The following RUSF1 variants were observed in gnomAD, a reference collection of about 807,000 sequenced individuals.
RUSF1 encodes RUS family member 1, also known as RUS1 family protein C16orf58.
Under a neutral mutation model 63.0 loss-of-function variants are expected in RUSF1, and 58 were observed. That is an observed-to-expected ratio of 0.92 (90% CI 0.75 to 1.15). RUSF1 has a LOEUF of 1.15. Ranked by LOEUF, RUSF1 falls within the 50% of genes most tolerant of loss-of-function variation. The probability of loss-of-function intolerance (pLI) is 0.00; values close to 1 mark genes in which losing one functional copy is unlikely to be tolerated. For synonymous variants in RUSF1, 274 were observed against 255.8 expected (o/e 1.07, Z -0.68); for missense variants, 652 against 611.0 (o/e 1.07, Z -0.71).
chr16:31,492,075 C>G lies in RUSF1; in HGVS notation c.1243G>C (p.Glu415Gln), dbSNP rs745561054. ...RNRVRAGPKK[E>Q]SWVVVKETHE... ...GTCTCCTTGACGACGACCCAGCTCT[C>G]TTTCTTAGGACCTGGGTACGGGGGT... is the stretch of plus-strand genomic sequence containing the variant. The change falls in exon 12 of 13, where the codon GAG becomes CAG. Residue 415 changes from glutamate to glutamine, a missense_variant. Coordinates refer to ENST00000327237, the MANE Select transcript of RUSF1 (RefSeq NM_022744.4). The G allele has an allele frequency of 1.2e-6, 2 of 1,614,200 alleles. No homozygotes were observed. The highest frequency in any genetic ancestry group is 3.3e-5 in the Admixed American group (2 of 60,030).
chr16:31,498,338 G>C (rs1827807453), intron 5 of RUSF1, among the ~76,000 whole-genome samples: 1 of 152,198 alleles, frequency 6.6e-6, no homozygotes, highest in Admixed American at 6.5e-5. Context: ...CTACAGCCAT[G>C]CTTTTCTCTG....
chr16:31,502,735 C>T (rs1487987204), intron 2 of RUSF1, among the ~76,000 whole-genome samples: 2 of 152,240 alleles, frequency 1.3e-5, no homozygotes, highest in African/African-American at 4.8e-5. Flanking sequence ...TTAACCTCTT[C>T]CCTTCAAGTA....
At chr16:31,503,824 G>T (rs2082644248) in intron 2 of RUSF1, among the ~76,000 whole-genome samples, 1 of 152,172 alleles carries the variant, frequency 6.6e-6, no homozygotes, top group Non-Finnish European at 1.5e-5. Context: ...AACCATGCCT[G>T]GCTAATTTTG....
chr16:31,496,141 T>C (rs955819026), intron 6 of RUSF1, among the ~76,000 whole-genome samples: 1 of 152,140 alleles, frequency 6.6e-6, no homozygotes, highest in African/African-American at 2.4e-5. Context: ...TGGAGTGCAG[T>C]GGGGTGATCT....
intron 5 of RUSF1, among the ~76,000 whole-genome samples, 179 bp from the exon 6 acceptor site, chr16:31,497,129 C>T (rs1035413039): frequency 3.9e-5 from 6 of 152,168 alleles, no homozygotes; most frequent in East Asian, 3.9e-4. Flanking sequence ...AAACTGGAGT[C>T]CCACCTGCCA....
rs146121103 is a variant in RUSF1, at chr16:31,493,564, A to C, written c.958+39T>G. On this transcript the variant is annotated intron_variant, in intron 8 of 12. Transcript: ENST00000327237. ...GGTCAGGATGCCTAGGCAGTGGGAG[A>C]GGTTGAGACACAGGACCCGAGACCA... The C allele has an allele frequency of 3.7e-5, 60 of 1,613,954 alleles. No individual in the cohort carries two copies. The East Asian group carries it at 1.3e-3, about 34-fold the overall frequency.
chr16:31,490,371 A>C lies in RUSF1; in HGVS notation c.*464T>G, dbSNP rs1327711628. ...CCTGCTCTGGTTTTGTGGAATGAGC[A>C]GAGGTGGGGTGGGCAGTCCTCCGCC... On this transcript the variant is annotated 3_prime_UTR_variant, in exon 13 of 13. Coordinates refer to ENST00000327237, the MANE Select transcript of RUSF1 (RefSeq NM_022744.4). The C allele has an allele frequency of 6.2e-7, 1 of 1,613,252 alleles. No individual in the cohort carries two copies. Among genetic ancestry groups the C allele is most frequent in the Non-Finnish European group, 8.5e-7 (1 of 1,179,726 alleles).
At position 31,493,860 on chromosome 16, in the gene RUSF1, G is replaced by T; in HGVS notation, c.773+6C>A. 6.2e-7 allele frequency: 1 copy of T among 1,614,216 alleles called. No homozygotes were observed. The stretch of plus-strand genomic sequence containing the variant: ...GGTTCTCCTGCCCACCCTGCTTCCG[G>T]CTTACCCAGGGCAACCTGACACCAG... On this transcript the variant is annotated splice_donor_region_variant and intron_variant, in intron 7 of 12. Transcript: ENST00000327237.
In RUSF1 at chr16:31,501,110, GCA is replaced by G. The variant is rs1381809664; in HGVS notation, c.416-381_416-380del. On this transcript the variant is annotated intron_variant, in intron 2 of 12. Coordinates refer to ENST00000327237, the MANE Select transcript of RUSF1 (RefSeq NM_022744.4). ...AAATAACTCATGAAGACCACATACA[GCA>G]CAGTTTGCAAAGCTCTAAAATTAAA... Among the ~76,000 whole-genome samples the G allele has an allele frequency of 2.6e-5, 4 of 152,258 alleles. No individual in the cohort carries two copies. The East Asian group carries it at 5.8e-4, about 22-fold the overall frequency.
rs751455529 is a variant in RUSF1, at chr16:31,490,326, C to T, written c.*509G>A. 3.4e-5 allele frequency: 55 copies of T among 1,612,296 alleles called. 1 individual carries two copies. The South Asian group carries it at 5.8e-4, about 17-fold the overall frequency. ...TCCCTCAGAGCCCCAGGCCCCGGCA[C>T]CAAGCCTCTTCCGCCAGTGCCTGCT... On this transcript the variant is annotated 3_prime_UTR_variant, in exon 13 of 13. Coordinates refer to ENST00000327237, the MANE Select transcript of RUSF1 (RefSeq NM_022744.4).
intron 3 of RUSF1, 49 bp downstream of exon 3, chr16:31,500,637 C>T (rs546772785): frequency 1.0e-5 from 16 of 1,580,500 alleles, no homozygotes; most frequent in East Asian, 2.2e-5. Context: ...TCATTACTAC[C>T]ACTACTGGGA....
intron 5 of RUSF1, among the ~76,000 whole-genome samples, chr16:31,498,073 G>A (rs533295812): frequency 6.9e-4 from 105 of 152,294 alleles, no homozygotes; most frequent in Non-Finnish European, 1.2e-3. Flanking sequence ...AGGTTCAGCC[G>A]AAGGTGACAG....
Position 31,493,530 on chromosome 16 carries a change from G to T in RUSF1, c.959-6C>A, listed in dbSNP as rs765866556. Reference sequence around the variant, plus strand: ...AGACGGAGCTGGCCAGAAACCTGTGGGAAGCTGGGGTCAGGATGCCTAGGC... The same window carrying T: ...AGACGGAGCTGGCCAGAAACCTGTGTGAAGCTGGGGTCAGGATGCCTAGGC... On this transcript the variant is annotated splice_polypyrimidine_tract_variant and splice_region_variant and intron_variant, in intron 8 of 12. Coordinates refer to ENST00000327237, the MANE Select transcript of RUSF1 (RefSeq NM_022744.4). 2 of 1,614,050 alleles carry T rather than the reference G, an allele frequency of 1.2e-6. No individual in the cohort carries two copies. Among genetic ancestry groups the T allele is most frequent in the Non-Finnish European group, 1.7e-6 (2 of 1,179,978 alleles).
At chr16:31,496,320 CAA>C (rs2082602036) in intron 6 of RUSF1, among the ~76,000 whole-genome samples, 1 of 152,176 alleles carries the variant, frequency 6.6e-6, no homozygotes, top group Non-Finnish European at 1.5e-5. Flanking sequence ...CTCAGCCTCC[CAA>C]AGTGCTAGGA....
chr16:31,508,356 A>C lies in RUSF1; in HGVS notation c.18T>G (p.Gly6=), dbSNP rs763571204. 2.0e-6 allele frequency: 3 copies of C among 1,522,422 alleles called. No homozygotes were observed. Among genetic ancestry groups the C allele is most frequent in the African/African-American group, 1.4e-5 (1 of 71,108 alleles). 94.3% of individuals were successfully genotyped at this position (1,522,422 alleles called of 1,614,324 possible). ...GCTCGGAACACAGCGGGGTCTCCAA[A>C]CCCGCGTCGTCAGCCATGCCGAGCT... is the stretch of plus-strand genomic sequence containing the variant. MADDA[G]LETPLCSEQF... The change falls in exon 1 of 13, where the codon GGT becomes GGG. Residue 6 remains glycine (G), a synonymous_variant. Transcript: ENST00000327237.
chr16:31,490,490 G>A lies in RUSF1; in HGVS notation c.*345C>T. ...CCCGTGTGGTCAACCTCAATGCCCT[G>A]CTCATGATGGCAGTGGCCGTGTTCC... On this transcript the variant is annotated 3_prime_UTR_variant, in exon 13 of 13. Transcript: ENST00000327237. 6.2e-7 allele frequency: 1 copy of A among 1,613,888 alleles called. No individual in the cohort carries two copies. The highest frequency in any genetic ancestry group is 8.5e-7 in the Non-Finnish European group (1 of 1,179,968).
Position 31,492,296 on chromosome 16 carries a change from T to C in RUSF1, c.1132A>G (p.Ile378Val), listed in dbSNP as rs754631368. The change falls in exon 11 of 13, where the codon ATC (isoleucine) becomes GTC (valine). Residue 378 changes from isoleucine (I) to valine (V), a missense_variant. Coordinates refer to ENST00000327237, the MANE Select transcript of RUSF1 (RefSeq NM_022744.4). ...VLNQKAGPKT[I>V]LRAATHGLML... Reference sequence around the variant, plus strand: ...AGCCCATGTGTGGCGGCCCTTAGGATGGTCTTGGGGCCTGCCTTCTGGTTC... The same window carrying C: ...AGCCCATGTGTGGCGGCCCTTAGGACGGTCTTGGGGCCTGCCTTCTGGTTC... 1 of 1,610,892 alleles carries C rather than the reference T, an allele frequency of 6.2e-7. No individual in the cohort carries two copies. Among genetic ancestry groups the C allele is most frequent in the Non-Finnish European group, 8.5e-7 (1 of 1,178,446 alleles).
rs531524294 is a variant in RUSF1, at chr16:31,489,957, G to A, written c.*878C>T. On this transcript the variant is annotated 3_prime_UTR_variant, in exon 13 of 13. Transcript: ENST00000327237. Reference sequence around the variant, plus strand: ...GGGCACAGGGCAGCCATGTAGGGTGGAGTTGGCATGAGTTAAGCCTGGGCT... The same window carrying A: ...GGGCACAGGGCAGCCATGTAGGGTGAAGTTGGCATGAGTTAAGCCTGGGCT... The A allele has an allele frequency of 9.9e-7, 1 of 1,008,868 alleles. No homozygotes were observed. Among genetic ancestry groups the A allele is most frequent in the Non-Finnish European group, 1.5e-6 (1 of 658,774 alleles). 62.5% of individuals were successfully genotyped at this position (1,008,868 alleles called of 1,614,324 possible). A position where few individuals can be genotyped will look rare whatever the true frequency, so the allele number is the denominator to read the frequency against.
chr16:31,491,721 C>G (rs765668641), intron 12 of RUSF1, among the ~76,000 whole-genome samples: 9 of 151,694 alleles, frequency 5.9e-5, no homozygotes, highest in Non-Finnish European at 8.8e-5. Context: ...AGGTGATCCT[C>G]CCACCTCAGC....
Sources: allele counts gnomAD v4.1 joint callset (sites outside exome capture counted in the v4.1 genomes callset), GRCh38; gene constraint gnomAD v4.1.1; transcripts MANE v1.5; gene names NCBI Gene and HGNC (gene_info 2026-07-23, HGNC 2026-07-21).